DYNC1LI2: variants seen among roughly 807,000 people sequenced by gnomAD.
DYNC1LI2 encodes the protein dynein cytoplasmic 1 light intermediate chain 2.
A neutral mutation model predicts 57.8 loss-of-function variants in DYNC1LI2; 19 were observed. The observed-to-expected ratio is 0.33, with a 90% CI of 0.23 to 0.48. The LOEUF is 0.48. Ranked by LOEUF, DYNC1LI2 falls within the 20% of genes least tolerant of loss-of-function variation. The pLI is 0.99. For synonymous variants in DYNC1LI2, 256 were observed against 233.4 expected, an observed-to-expected ratio of 1.10 and a Z score of -0.88; for missense variants, 470 against 604.2, an observed-to-expected ratio of 0.78 and a Z score of 2.33.
intron 4 of DYNC1LI2, among the ~76,000 whole-genome samples, chr16:66,741,511 C>T (rs944486373): frequency 5.3e-5 from 8 of 152,156 alleles, no homozygotes; most frequent in African/African-American, 9.7e-5. Context: ...AAACACACTG[C>T]GAGAAACTTG....
chr16:66,751,370 G>A lies in DYNC1LI2; in HGVS notation c.108-24C>T. On this transcript the variant is annotated intron_variant, in intron 1 of 12. Coordinates refer to ENST00000258198, the MANE Select transcript of DYNC1LI2 (RefSeq NM_006141.3). This position sits in a 1 kb window ranked among gnomAD's most constrained non-coding sequence, Gnocchi z 5.2. Reference sequence around the variant, plus strand: ...ACCTGTGGCGACAATGGCAAGAGTGGTCAGCCCCGGGCCGGGCTGGGATGG... The same window carrying A: ...ACCTGTGGCGACAATGGCAAGAGTGATCAGCCCCGGGCCGGGCTGGGATGG... The A allele has an allele frequency of 6.8e-6, 11 of 1,609,430 alleles. No individual in the cohort carries two copies. Among genetic ancestry groups the A allele is most frequent in the Non-Finnish European group, 9.3e-6 (11 of 1,178,136 alleles).
intron 9 of DYNC1LI2, among the ~76,000 whole-genome samples, chr16:66,728,473 AGGAAAAAGAT>A (rs1352835960): frequency 1.3e-5 from 2 of 152,314 alleles, no homozygotes; most frequent in East Asian, 1.9e-4. Flanking sequence ...AAGGACAGAA[AGGAAAAAGAT>A]GGAAAAAGAA....
At chr16:66,725,070 A>G (rs1425974898) in intron 12 of DYNC1LI2, among the ~76,000 whole-genome samples, 2 of 151,780 alleles carry the variant, frequency 1.3e-5, no homozygotes, top group Non-Finnish European at 2.9e-5. Flanking sequence ...GCTACTCGGG[A>G]GGCTGAGGCA....
intron 4 of DYNC1LI2, among the ~76,000 whole-genome samples, chr16:66,741,628 A>G (rs568031301): frequency 6.6e-6 from 1 of 152,246 alleles, no homozygotes; most frequent in African/African-American, 2.4e-5. Flanking sequence ...GGGTGATGTC[A>G]TCCTGTGAAA....
chr16:66,742,283 C>T lies in DYNC1LI2; in HGVS notation c.529+155G>A, dbSNP rs78727926. Among the ~76,000 whole-genome samples the T allele has an allele frequency of 7.2e-3, 1,098 of 152,324 alleles. 9 individuals are homozygous for T. The highest frequency in any genetic ancestry group is 0.012 in the Non-Finnish European group (790 of 68,024). On this transcript the variant is annotated intron_variant, in intron 4 of 12. Coordinates refer to ENST00000258198, the MANE Select transcript of DYNC1LI2 (RefSeq NM_006141.3). Reference sequence around the variant, plus strand: ...TAAAGACTGCTTTGAATACTTTTGACTACTGAGTTTACAAGAGGAACTCTG... The same window carrying T: ...TAAAGACTGCTTTGAATACTTTTGATTACTGAGTTTACAAGAGGAACTCTG...
intron 5 of DYNC1LI2, among the ~76,000 whole-genome samples, chr16:66,735,222 C>G (rs1183494211): frequency 3.3e-5 from 5 of 151,246 alleles, no homozygotes; most frequent in Admixed American, 3.3e-4. Flanking sequence ...CCTGCCTCAG[C>G]CCCCGAGTAG....
Position 66,722,972 on chromosome 16 carries a change from C to T in DYNC1LI2, c.*750G>A. On this transcript the variant is annotated 3_prime_UTR_variant, in exon 13 of 13. Coordinates refer to ENST00000258198, the MANE Select transcript of DYNC1LI2 (RefSeq NM_006141.3). ...TGCCCCACAACACATATCCGTGGAC[C>T]CCAGTACCTCTCACGAGGACATAGC... is the stretch of plus-strand genomic sequence containing the variant. 9.4e-6 allele frequency: 2 copies of T among 213,484 alleles called. No homozygotes were observed. Among genetic ancestry groups the T allele is most frequent in the South Asian group, 1.6e-4 (2 of 12,706 alleles). The allele number at this position is 213,484 out of a possible 1,614,324, so 13.2% of individuals were successfully genotyped here. A position where few individuals can be genotyped will look rare whatever the true frequency, so the allele number is the denominator to read the frequency against.
intron 3 of DYNC1LI2, among the ~76,000 whole-genome samples, chr16:66,746,513 TC>T (rs1446813881): frequency 1.3e-5 from 2 of 152,044 alleles, no homozygotes; most frequent in African/African-American, 4.8e-5. Flanking sequence ...CCTAAAAAAA[TC>T]CAATAAATGC....
intron 3 of DYNC1LI2, among the ~76,000 whole-genome samples, chr16:66,745,381 C>T (rs558257526): frequency 1.2e-4 from 19 of 152,086 alleles, no homozygotes; most frequent in Admixed American, 1.1e-3. Context: ...CAGGTTCAGG[C>T]GATCCTCATG....
intron 12 of DYNC1LI2, among the ~76,000 whole-genome samples, chr16:66,725,163 A>G (rs1450389665): frequency 2.1e-5 from 3 of 142,424 alleles, no homozygotes; most frequent in Admixed American, 7.4e-5. Context: ...CGACAGAGCA[A>G]GACTCCATCT....
chr16:66,747,923 T>C (rs1359659571), intron 3 of DYNC1LI2, among the ~76,000 whole-genome samples: 1 of 152,074 alleles, frequency 6.6e-6, no homozygotes, highest in Non-Finnish European at 1.5e-5. Flanking sequence ...ACAGATAACT[T>C]TTCTACCAAA....
In DYNC1LI2 at chr16:66,751,539, G is replaced by A. The variant is rs767021028; in HGVS notation, c.53C>T (p.Ala18Val). Residue 18 changes from alanine (A) to valine (V), a missense_variant, in exon 1 of 13, where the codon GCG (alanine) becomes GTG (valine). Coordinates refer to ENST00000258198, the MANE Select transcript of DYNC1LI2 (RefSeq NM_006141.3). The surrounding 1 kb of genome is among the most constrained non-coding windows in gnomAD (Gnocchi z 5.2). ...GGTCAGGTCGCCGGCGGCCGCCACCGCGGGCCCGTTGGGACCTAGCAGCAG... is the reference window on the plus strand; with the variant it reads ...GGTCAGGTCGCCGGCGGCCGCCACCACGGGCCCGTTGGGACCTAGCAGCAG... Reference protein sequence around the residue: ...KKLLLGPNGPAVAAAGDLTSE... With the variant: ...KKLLLGPNGPVVAAAGDLTSE... 56 of 1,587,986 alleles carry A rather than the reference G, an allele frequency of 3.5e-5. No homozygotes were observed. Among genetic ancestry groups the A allele is most frequent in the Non-Finnish European group, 4.6e-5 (54 of 1,169,604 alleles).
intron 3 of DYNC1LI2, among the ~76,000 whole-genome samples, chr16:66,746,725 C>G (rs1421340921): frequency 1.3e-5 from 2 of 152,172 alleles, no homozygotes; most frequent in African/African-American, 4.8e-5. Context: ...GGTACTAGAG[C>G]TATCACCATG....
intron 12 of DYNC1LI2, among the ~76,000 whole-genome samples, chr16:66,725,297 T>C (rs931646228): frequency 2.0e-5 from 3 of 150,968 alleles, no homozygotes; most frequent in African/African-American, 4.9e-5. Flanking sequence ...CTGGCCAACA[T>C]GATGAAACCA....
At chr16:66,743,648 A>G (rs2017882152) in intron 3 of DYNC1LI2, among the ~76,000 whole-genome samples, 1 of 151,928 alleles carries the variant, frequency 6.6e-6, no homozygotes, top group Non-Finnish European at 1.5e-5. Flanking sequence ...CAACTGTGCC[A>G]CAACCTAAAT....
At chr16:66,739,827 A>G (rs767172977) in intron 4 of DYNC1LI2, among the ~76,000 whole-genome samples, 1 of 152,278 alleles carries the variant, frequency 6.6e-6, no homozygotes, top group Admixed American at 6.5e-5. Context: ...TAAGTTGGAT[A>G]GTAAAACGTG....
chr16:66,728,164 C>T (rs373516549), intron 10 of DYNC1LI2, 37 bp downstream of exon 10: 262 of 1,613,494 alleles, frequency 1.6e-4, no homozygotes, highest in Non-Finnish European at 2.1e-4. Flanking sequence ...ACCCACAACA[C>T]TGGGCCTTGA....
rs2017476730 is a variant in DYNC1LI2 at position 66,723,100 on chromosome 16, T to G, written c.*622A>C. Reference sequence around the variant, plus strand: ...CACAATTAGTACATCTTTCGTAAGTTAAAGATGCATTCAAAATAAGCCTAA... The same window carrying G: ...CACAATTAGTACATCTTTCGTAAGTGAAAGATGCATTCAAAATAAGCCTAA... On this transcript the variant is annotated 3_prime_UTR_variant, in exon 13 of 13. Transcript: ENST00000258198. 8.7e-6 allele frequency: 3 copies of G among 344,924 alleles called. No homozygotes were observed. Among genetic ancestry groups the G allele is most frequent in the South Asian group, 4.6e-5 (2 of 43,876 alleles). The allele number at this position is 344,924 out of a possible 1,614,324, so 21.4% of individuals were successfully genotyped here. A position where few individuals can be genotyped will look rare whatever the true frequency, so the allele number is the denominator to read the frequency against.
chr16:66,723,753 A>C lies in DYNC1LI2; in HGVS notation c.1448T>G (p.Val483Gly), dbSNP rs747933710. Residue 483 changes from valine (V) to glycine (G), a missense_variant, in exon 13 of 13, where the codon GTA (valine) becomes GGA (glycine). Transcript: ENST00000258198. ...TTCATTTTCTGTTGAAGAGTTTGTT[A>C]CCATAGAGTCTGGCTTTCGAGTCAT... ...DRMTRKPDSM[V>G]TNSSTENEA is the part of the protein sequence containing the mutation. 1 of 1,610,354 alleles carries C rather than the reference A, an allele frequency of 6.2e-7. No individual in the cohort carries two copies. Among genetic ancestry groups the C allele is most frequent in the East Asian group, 2.2e-5 (1 of 44,846 alleles).
Sources: gnomAD v4.1 joint callset for allele counts (sites outside exome capture counted in the v4.1 genomes callset) on GRCh38, gnomAD v4.1.1 for gene constraint, Gnocchi (gnomAD v3.1) non-coding constraint, MANE v1.5 for transcripts, NCBI Gene and HGNC (gene_info 2026-07-23, HGNC 2026-07-21) for gene names.